Variants in RBM26 observed in about 807,000 individuals in gnomAD.
RBM26 encodes RNA binding motif protein 26.
A neutral mutation model predicts 123.6 loss-of-function variants in RBM26; 30 were observed. That is an observed-to-expected ratio of 0.24 (90% CI 0.18 to 0.33). The LOEUF (loss-of-function observed/expected upper bound fraction) is 0.33. RBM26 is among the 10% of genes least tolerant of loss of function. The probability of loss-of-function intolerance (pLI) is 1.00; values close to 1 mark genes in which losing one functional copy is unlikely to be tolerated. For synonymous variants in RBM26, 400 were observed against 404.4 expected (o/e 0.99, Z 0.13); for missense variants, 947 against 1,203.6 (o/e 0.79, Z 3.15).
intron 6 of RBM26, among the ~76,000 whole-genome samples, chr13:79,367,191 G>A (rs565550955): frequency 1.3e-5 from 2 of 151,862 alleles, no homozygotes; most frequent in East Asian, 3.9e-4. Context: ...TGGATCACCC[G>A]AGGTCAGGAG....
chr13:79,387,730 G>T (rs914441289), intron 1 of RBM26, among the ~76,000 whole-genome samples: 6 of 152,088 alleles, frequency 3.9e-5, no homozygotes, highest in Non-Finnish European at 8.8e-5. Flanking sequence ...ATCTTCAAGA[G>T]AATTTTTTTT....
chr13:79,345,593 G>T (rs1201614466), intron 14 of RBM26, among the ~76,000 whole-genome samples: 1 of 151,986 alleles, frequency 6.6e-6, no homozygotes, highest in African/African-American at 2.4e-5. Flanking sequence ...TGAGGCCACG[G>T]GTAAGATTAA....
Position 79,372,887 on chromosome 13 carries a change from TATATAAA to T in RBM26, c.328-964_328-958del, listed in dbSNP as rs2076101527. 2.5e-5 allele frequency among the ~76,000 whole-genome samples: 2 copies of T among 81,476 alleles called. 1 individual carries two copies. Among genetic ancestry groups the T allele is most frequent in the South Asian group, 7.8e-4 (2 of 2,580 alleles). The allele number at this position is 81,476 out of a possible 152,430, so 53.5% of individuals were successfully genotyped here. A position where few individuals can be genotyped will look rare whatever the true frequency, so the allele number is the denominator to read the frequency against. ...AATATATTTATAATATTTTATATGC[TATATAAA>T]ATATATCTTATATATTACATATTTT... On this transcript the variant is annotated intron_variant, in intron 3 of 21. Coordinates refer to ENST00000438737, the MANE Select transcript of RBM26 (RefSeq NM_001366735.2).
intron 18 of RBM26, among the ~76,000 whole-genome samples, chr13:79,338,004 G>C (rs2070731371): frequency 6.6e-6 from 1 of 152,118 alleles, no homozygotes; most frequent in African/African-American, 2.4e-5. Flanking sequence ...GATCAACTGA[G>C]GCCAAAAGTT....
chr13:79,354,787 T>C (rs967844027), intron 12 of RBM26, among the ~76,000 whole-genome samples: 1 of 152,198 alleles, frequency 6.6e-6, no homozygotes, highest in Non-Finnish European at 1.5e-5. Flanking sequence ...AGTCCAACTT[T>C]CAATATCTTC....
chr13:79,358,808 T>A (rs1043329775), intron 10 of RBM26, among the ~76,000 whole-genome samples: 1 of 152,206 alleles, frequency 6.6e-6, no homozygotes, highest in African/African-American at 2.4e-5. Context: ...CTTAAAACTT[T>A]ATGTTTTAAA....
At chr13:79,398,413 A>G (rs533983578) in intron 1 of RBM26, among the ~76,000 whole-genome samples, 1 of 152,352 alleles carries the variant, frequency 6.6e-6, no homozygotes, top group African/African-American at 2.4e-5. Context: ...AAAGTGCTAA[A>G]TGCATTTTAA....
chr13:79,383,093 T>TTA (rs2077200239), intron 1 of RBM26, among the ~76,000 whole-genome samples: 2 of 1,262 alleles, frequency 1.6e-3, no homozygotes, highest in African/African-American at 4.1e-3. Flanking sequence ...GATAGGCTTT[T>TTA]TTTTTTTAAA....
Position 79,359,598 on chromosome 13 carries a change from A to G in RBM26, c.1506T>C (p.Pro502=). The change falls in exon 10 of 22, where the codon CCT becomes CCC. Residue 502 remains proline (P), a synonymous_variant. Coordinates refer to ENST00000438737, the MANE Select transcript of RBM26 (RefSeq NM_001366735.2). ...ACTTATCAAACCAAGTCTTCTTTGT[A>G]GGAACTCCAGGCTCTCCAGAACCAA... ...RTIGSGEPGV[P]TKKTWFDKPN... 1 of 1,588,674 alleles carries G rather than the reference A, an allele frequency of 6.3e-7. No individual in the cohort carries two copies. The highest frequency in any genetic ancestry group is 8.6e-7 in the Non-Finnish European group (1 of 1,164,416).
chr13:79,344,631 T>C (rs1005794128), intron 15 of RBM26, 38 bp downstream of exon 15: 1 of 1,575,678 alleles, frequency 6.3e-7, no homozygotes, highest in Non-Finnish European at 8.7e-7. Flanking sequence ...AGCTTTCCTA[T>C]ATGCAAAAAT....
chr13:79,334,624 A>G (rs771197991), intron 19 of RBM26, among the ~76,000 whole-genome samples, 194 bp from the exon 20 acceptor site: 12 of 152,162 alleles, frequency 7.9e-5, no homozygotes, highest in Non-Finnish European at 1.5e-4. Context: ...CTGTCTTCCA[A>G]TCTTACATAC....
At position 79,404,512 on chromosome 13, in the gene RBM26, T is replaced by C. The variant is rs570332261; in HGVS notation, c.71+1192A>G. 6.6e-5 allele frequency among the ~76,000 whole-genome samples: 10 copies of C among 152,342 alleles called. No individual in the cohort carries two copies. In the East Asian group the frequency reaches 1.9e-3, roughly 29 times the overall value. ...AAATCATCTCACGTCTTCCCATACA[T>C]GATGTGGCCCCTACCTACTTGTCCA... On this transcript the variant is annotated intron_variant, in intron 1 of 21. Transcript: ENST00000438737.
Position 79,342,862 on chromosome 13 carries a change from G to A in RBM26, c.2260-31C>T, listed in dbSNP as rs375652120. 3.0e-6 allele frequency: 4 copies of A among 1,332,966 alleles called. No individual in the cohort carries two copies. The African/African-American group carries it at 5.9e-5, about 20-fold the overall frequency. 82.6% of individuals were successfully genotyped at this position (1,332,966 alleles called of 1,614,324 possible). ...AAATTTTTAAAAAGAGAAAAATAAA[G>A]CTAATTACTCCTATTATCATTAACA... is the stretch of plus-strand genomic sequence containing the variant. On this transcript the variant is annotated intron_variant, in intron 16 of 21. Coordinates refer to ENST00000438737, the MANE Select transcript of RBM26 (RefSeq NM_001366735.2).
In RBM26 at chr13:79,320,277, G is replaced by A. The variant is rs2067528842; in HGVS notation, c.*344C>T. On this transcript the variant is annotated 3_prime_UTR_variant, in exon 22 of 22. Transcript: ENST00000438737. Reference sequence around the variant, plus strand: ...CATTCCTTATTTGGAATAAAACAAAGTCCTCTAAGTTATAACAAGTATTGG... The same window carrying A: ...CATTCCTTATTTGGAATAAAACAAAATCCTCTAAGTTATAACAAGTATTGG... 1.0e-6 allele frequency: 1 copy of A among 982,612 alleles called. No individual in the cohort carries two copies. The highest frequency in any genetic ancestry group is 1.7e-5 in the African/African-American group (1 of 57,196). The allele number at this position is 982,612 out of a possible 1,614,324, so 60.9% of individuals were successfully genotyped here.
At chr13:79,334,196 C>A in intron 20 of RBM26, 148 bp downstream of exon 20, 1 of 514,710 alleles carries the variant, frequency 1.9e-6, no homozygotes, top group Non-Finnish European at 3.4e-6. Context: ...TTAGGACATT[C>A]TTTGAGGGCA....
chr13:79,364,250 A>G lies in RBM26; in HGVS notation c.1417+1328T>C, dbSNP rs1397439498. On this transcript the variant is annotated intron_variant, in intron 9 of 21. Transcript: ENST00000438737. Reference sequence around the variant, plus strand: ...AGAGGATATAAATCTGAATTAAAACATTCCTTACACCTTCATTACAAAAAG... The same window carrying G: ...AGAGGATATAAATCTGAATTAAAACGTTCCTTACACCTTCATTACAAAAAG... Among the ~76,000 whole-genome samples, 4 of 152,350 alleles carry G rather than the reference A, an allele frequency of 2.6e-5. No homozygotes were observed. The East Asian group carries it at 5.8e-4, about 22-fold the overall frequency.
intron 1 of RBM26, among the ~76,000 whole-genome samples, chr13:79,393,620 A>G (rs2078291703): frequency 6.6e-6 from 1 of 152,060 alleles, no homozygotes; most frequent in African/African-American, 2.4e-5. Flanking sequence ...ACCCCCATAC[A>G]GTTTTCTTCT....
chr13:79,390,554 C>T (rs139846123), intron 1 of RBM26, among the ~76,000 whole-genome samples: 10 of 152,152 alleles, frequency 6.6e-5, no homozygotes, highest in Admixed American at 3.9e-4. Flanking sequence ...TAAAATGGTA[C>T]ACTTAAGATC....
chr13:79,318,253 T>C (rs1009697307), downstream of RBM26, among the ~76,000 whole-genome samples: 1 of 124,906 alleles, frequency 8.0e-6, no homozygotes, highest in African/African-American at 2.5e-5. Flanking sequence ...CAACGTAGAG[T>C]TAAAAAAAAA....
Sources: allele counts gnomAD v4.1 joint callset (sites outside exome capture counted in the v4.1 genomes callset), GRCh38; gene constraint gnomAD v4.1.1; transcripts MANE v1.5; gene names NCBI Gene and HGNC (gene_info 2026-07-23, HGNC 2026-07-21).